The following WWOX variants were observed in gnomAD, a reference collection of about 807,000 sequenced individuals.
WWOX encodes the protein WW domain containing oxidoreductase, also known as WW domain-containing oxidoreductase.
A neutral mutation model predicts 46.2 loss-of-function variants in WWOX; 69 were observed. The observed-to-expected ratio is 1.49, with a 90% CI of 1.23 to 1.82. The LOEUF (loss-of-function observed/expected upper bound fraction) is 1.82, where lower values mean the gene tolerates loss of function less well. WWOX is among the 40% of genes most tolerant of loss of function. The pLI is 0.00. For missense variants in WWOX, 919 were observed against 542.6 expected, an observed-to-expected ratio of 1.69 and a Z score of -6.89; for synonymous variants, 359 against 202.6, an observed-to-expected ratio of 1.77 and a Z score of -6.56.
chr16:78,749,158 C>T (rs898000008), intron 8 of WWOX, among the ~76,000 whole-genome samples: 8 of 152,204 alleles, frequency 5.3e-5, no homozygotes, highest in Middle Eastern at 3.4e-3. Context: ...TGCATGGGTA[C>T]GCAGATAAAA....
At chr16:78,152,396 A>G (rs1264313848) in intron 4 of WWOX, among the ~76,000 whole-genome samples, 2 of 152,100 alleles carry the variant, frequency 1.3e-5, no homozygotes, top group Non-Finnish European at 2.9e-5. Context: ...TTGCAAGTCT[A>G]TTTGTAGGAT....
chr16:78,874,352 T>G (rs1410577261), intron 8 of WWOX, among the ~76,000 whole-genome samples: 1 of 151,708 alleles, frequency 6.6e-6, no homozygotes, highest in Non-Finnish European at 1.5e-5. Flanking sequence ...GACATGATCT[T>G]GGGTGAGTGA....
intron 8 of WWOX, among the ~76,000 whole-genome samples, chr16:78,700,033 C>A (rs940726568): frequency 3.9e-5 from 6 of 152,002 alleles, no homozygotes; most frequent in African/African-American, 1.4e-4. Context: ...ATACTTACAA[C>A]ATAGAAATGT....
intron 8 of WWOX, chr16:79,203,276 C>T (rs1597473038): frequency 6.6e-6 from 1 of 152,158 alleles, no homozygotes; most frequent in African/African-American, 2.4e-5. Context: ...TTAACAAGGC[C>T]AGCGTCTTGG....
In WWOX at chr16:78,942,344, A is replaced by G. The variant is rs565155432; in HGVS notation, c.1057-269264A>G. 3.9e-5 allele frequency among the ~76,000 whole-genome samples: 6 copies of G among 152,294 alleles called. No individual in the cohort carries two copies. The South Asian group carries it at 6.2e-4, about 16-fold the overall frequency. The stretch of plus-strand genomic sequence containing the variant: ...AGTCATCAAGCTGATTGAAAAGTCA[A>G]GAACCTCTAGCGCAGCCTACCCCTT... On this transcript the variant is annotated intron_variant, in intron 8 of 8. Coordinates refer to ENST00000566780, the MANE Select transcript of WWOX (RefSeq NM_016373.4).
intron 8 of WWOX, among the ~76,000 whole-genome samples, chr16:79,165,946 A>G (rs935119779): frequency 1.3e-5 from 2 of 152,174 alleles, no homozygotes; most frequent in Admixed American, 1.3e-4. Context: ...AGACATTTTC[A>G]TAATGTTTTC....
At chr16:78,223,478 A>T (rs1294686970) in intron 5 of WWOX, among the ~76,000 whole-genome samples, 1 of 152,138 alleles carries the variant, frequency 6.6e-6, no homozygotes, top group Admixed American at 6.5e-5. Flanking sequence ...CAAGAGGTTG[A>T]TGGGGGATGC....
intron 8 of WWOX, among the ~76,000 whole-genome samples, chr16:78,715,539 A>G (rs973824932): frequency 1.1e-4 from 16 of 147,304 alleles, no homozygotes; most frequent in African/African-American, 3.8e-4. Context: ...GCTGGAGTGC[A>G]GTGGTGTGAT....
intron 8 of WWOX, among the ~76,000 whole-genome samples, chr16:78,956,212 C>G (rs571563913): frequency 1.3e-5 from 2 of 152,242 alleles, no homozygotes; most frequent in East Asian, 3.9e-4. Context: ...GTGGCACCAC[C>G]TCAGCTCACT....
intron 8 of WWOX, among the ~76,000 whole-genome samples, chr16:78,836,494 G>C (rs990734734): frequency 6.6e-6 from 1 of 152,078 alleles, no homozygotes; most frequent in African/African-American, 2.4e-5. Flanking sequence ...ATCTCACATT[G>C]GTATTTTCAG....
At chr16:78,245,323 C>T (rs1206897342) in intron 5 of WWOX, among the ~76,000 whole-genome samples, 3 of 152,182 alleles carry the variant, frequency 2.0e-5, no homozygotes, top group African/African-American at 4.8e-5. Flanking sequence ...TCTTTTCAGT[C>T]GTCATTTCCA....
chr16:79,198,685 A>C (rs1249997457), intron 8 of WWOX, among the ~76,000 whole-genome samples: 1 of 152,234 alleles, frequency 6.6e-6, no homozygotes, highest in East Asian at 1.9e-4. Context: ...ACCCCTACGT[A>C]GTAGCTGTGT....
At chr16:78,927,961 ACAAT>A (rs1432892903) in intron 8 of WWOX, among the ~76,000 whole-genome samples, 3 of 151,890 alleles carry the variant, frequency 2.0e-5, no homozygotes. Flanking sequence ...AACTGAATAA[ACAAT>A]CTCAGGGTTT....
chr16:78,521,834 C>T (rs796888115), intron 8 of WWOX, among the ~76,000 whole-genome samples: 11 of 151,792 alleles, frequency 7.2e-5, no homozygotes, highest in African/African-American at 2.7e-4. Flanking sequence ...TGACCCTAAG[C>T]CTATGAAAAA....
intron 8 of WWOX, among the ~76,000 whole-genome samples, chr16:78,810,006 A>G (rs1345072943): frequency 9.9e-5 from 15 of 152,220 alleles, no homozygotes; most frequent in Admixed American, 9.8e-4. Context: ...CACCAAGAAC[A>G]TGGATTCATC....
intron 8 of WWOX, among the ~76,000 whole-genome samples, chr16:78,604,286 C>T (rs1192063021): frequency 6.6e-6 from 1 of 152,146 alleles, no homozygotes; most frequent in Non-Finnish European, 1.5e-5. Flanking sequence ...CACACCAATG[C>T]CTTCATGGTC....
chr16:78,789,747 G>A (rs2050547074), intron 8 of WWOX, among the ~76,000 whole-genome samples: 1 of 152,162 alleles, frequency 6.6e-6, no homozygotes, highest in East Asian at 1.9e-4. Context: ...GTGAGCCACG[G>A]TTGGCCAGCT....
chr16:78,918,275 T>A (rs534309660), intron 8 of WWOX, among the ~76,000 whole-genome samples: 119 of 152,138 alleles, frequency 7.8e-4, no homozygotes, highest in Admixed American at 1.4e-3. Flanking sequence ...AAGAAAAAAA[T>A]AAATGGATAC....
intron 8 of WWOX, among the ~76,000 whole-genome samples, chr16:78,958,146 T>G (rs1423234290): frequency 6.6e-6 from 1 of 152,202 alleles, no homozygotes; most frequent in Non-Finnish European, 1.5e-5. Flanking sequence ...TGCTCATCAT[T>G]CACACGGCGA....
Sources: gnomAD v4.1 joint callset for allele counts (sites outside exome capture counted in the v4.1 genomes callset) on GRCh38, gnomAD v4.1.1 for gene constraint, MANE v1.5 for transcripts, NCBI Gene and HGNC (gene_info 2026-07-23, HGNC 2026-07-21) for gene names.